HM13: variants seen among roughly 807,000 people sequenced by gnomAD.
The protein encoded by HM13 is signal peptide peptidase.
HM13 carries 18 observed loss-of-function variants against 50.0 expected under a neutral mutation model. That is an observed-to-expected ratio of 0.36 (90% CI 0.25 to 0.53). The LOEUF (loss-of-function observed/expected upper bound fraction) is 0.53. HM13 is among the 20% of genes least tolerant of loss of function. The probability of loss-of-function intolerance (pLI) is 0.90; values close to 1 mark genes in which losing one functional copy is unlikely to be tolerated. For synonymous variants in HM13, 197 were observed against 232.6 expected, an observed-to-expected ratio of 0.85 and a Z score of 1.39; for missense variants, 393 against 552.4, an observed-to-expected ratio of 0.71 and a Z score of 2.89.
At chr20:31,532,373 C>A (rs1056760050) in intron 2 of HM13, among the ~76,000 whole-genome samples, 1 of 152,098 alleles carries the variant, frequency 6.6e-6, no homozygotes, top group African/African-American at 2.4e-5. Context: ...TGCAGTGAGC[C>A]GAGATCGTGC....
intron 1 of HM13, among the ~76,000 whole-genome samples, chr20:31,521,449 GGCGTGATGGCTCACGCCT>G (rs1350766095): frequency 6.6e-6 from 1 of 152,168 alleles, no homozygotes; most frequent in Non-Finnish European, 1.5e-5. Context: ...CTGCTGGCCA[GGCGTGATGGCTCACGCCT>G]GTAATCCCAG....
At chr20:31,530,229 TA>T (rs1221707446) in intron 2 of HM13, among the ~76,000 whole-genome samples, 3 of 152,076 alleles carry the variant, frequency 2.0e-5, no homozygotes, top group Non-Finnish European at 4.4e-5. Context: ...AAAAAAGAAA[TA>T]TTTTTTTCAA....
At position 31,568,004 on chromosome 20, in the gene HM13, A is replaced by G. The variant is rs1600676272; in HGVS notation, c.1035-74A>G. 4.6e-6 allele frequency: 6 copies of G among 1,313,844 alleles called. No homozygotes were observed. The East Asian group carries it at 1.3e-4, about 29-fold the overall frequency. The allele number at this position is 1,313,844 out of a possible 1,614,324, so 81.4% of individuals were successfully genotyped here. On this transcript the variant is annotated intron_variant, in intron 11 of 12. Transcript: ENST00000398174. ...CAGTTCTGCTCTCTGCTCCTTGGAA[A>G]GGAAGTCTCTGTCCTCCCTTAGTCT... is the stretch of plus-strand genomic sequence containing the variant.
At chr20:31,568,254 C>T (rs2122677798) in intron 12 of HM13, 30 bp downstream of exon 12, 2 of 1,606,472 alleles carry the variant, frequency 1.2e-6, no homozygotes, top group East Asian at 2.2e-5. Context: ...CACCTGCCCG[C>T]TTCCCCCTAC....
At chr20:31,541,917 A>G (rs1983469980) in intron 3 of HM13, among the ~76,000 whole-genome samples, 1 of 152,240 alleles carries the variant, frequency 6.6e-6, no homozygotes, top group Non-Finnish European at 1.5e-5. Flanking sequence ...GTAAGGGCAA[A>G]GTGAGGTTTT....
intron 1 of HM13, among the ~76,000 whole-genome samples, chr20:31,515,984 G>A (rs1368272136): frequency 2.6e-5 from 4 of 152,212 alleles, no homozygotes; most frequent in African/African-American, 9.6e-5. Context: ...AGTAGCTGAG[G>A]CCTGCCATCT....
intron 3 of HM13, chr20:31,539,843 A>C (rs1983335444): frequency 6.6e-6 from 1 of 151,994 alleles, no homozygotes. Context: ...TTCTAGGCAC[A>C]CTGGCAGGAC....
chr20:31,527,074 T>C (rs1600622764), intron 1 of HM13, among the ~76,000 whole-genome samples: 1 of 152,036 alleles, frequency 6.6e-6, no homozygotes, highest in Non-Finnish European at 1.5e-5. Flanking sequence ...GGCATGGTGG[T>C]TCATACCTGT....
At chr20:31,547,741 C>G in intron 4 of HM13, 1 of 1,048,626 alleles carries the variant, frequency 9.5e-7, no homozygotes, top group South Asian at 1.4e-5. Context: ...GCCTTTTTGT[C>G]CAACTCTAAG....
intron 1 of HM13, among the ~76,000 whole-genome samples, chr20:31,524,951 G>A (rs551433387): frequency 2.0e-5 from 3 of 151,926 alleles, no homozygotes; most frequent in South Asian, 2.1e-4. Context: ...CTGACCTCAC[G>A]ATCCGCCTGC....
At chr20:31,560,317 CAA>C (rs1179122516) in intron 9 of HM13, among the ~76,000 whole-genome samples, 3 of 152,226 alleles carry the variant, frequency 2.0e-5, no homozygotes, top group African/African-American at 7.2e-5. Flanking sequence ...TGAGGGCTGG[CAA>C]TGTTGCACTT....
chr20:31,527,337 CAAAA>C, intron 1 of HM13, 143 bp from the exon 2 acceptor site: 3 of 514,024 alleles, frequency 5.8e-6, no homozygotes, highest in South Asian at 2.5e-5. Context: ...GACTCCATCT[CAAAA>C]AAAAAAAAAT....
intron 2 of HM13, 30 bp downstream of exon 2, chr20:31,527,612 T>TA: frequency 1.4e-6 from 2 of 1,401,730 alleles, no homozygotes; most frequent in Non-Finnish European, 2.0e-6. Flanking sequence ...TTGTGTCATT[T>TA]GATCTAAATG....
intron 8 of HM13, 63 bp from the exon 9 acceptor site, chr20:31,559,548 C>A: frequency 6.5e-7 from 1 of 1,533,708 alleles, no homozygotes. Context: ...AGGACCCAGT[C>A]TCCTGTTAGT....
Position 31,548,032 on chromosome 20 carries a change from A to G in HM13, c.455-997A>G, listed in dbSNP as rs376688803. 33 of 1,585,492 alleles carry G rather than the reference A, an allele frequency of 2.1e-5. No homozygotes were observed. In the African/African-American group the frequency reaches 3.9e-4, roughly 19 times the overall value. ...TTATTTAAATGATGGGCTGTGGCAC[A>G]TGAAGACATATAAATGAGCCTCAGA... On this transcript the variant is annotated intron_variant, in intron 4 of 12. Coordinates refer to ENST00000398174, the MANE Select transcript of HM13 (RefSeq NM_178581.3).
At chr20:31,520,390 G>A (rs765771409) in intron 1 of HM13, among the ~76,000 whole-genome samples, 3 of 152,044 alleles carry the variant, frequency 2.0e-5, no homozygotes, top group African/African-American at 7.2e-5. Flanking sequence ...TGCAACCTCC[G>A]CCTGCCAGGT....
intron 2 of HM13, among the ~76,000 whole-genome samples, chr20:31,532,285 T>C (rs1468047321): frequency 6.6e-6 from 1 of 151,864 alleles, no homozygotes; most frequent in African/African-American, 2.4e-5. Context: ...ACTATCAGGG[T>C]GTGGTGGCAC....
At chr20:31,516,233 G>C (rs6088446) in intron 1 of HM13, among the ~76,000 whole-genome samples, 38,511 of 152,140 alleles carry the variant, frequency 0.25, 6,934 homozygotes, top group African/African-American at 0.51. Flanking sequence ...AGGACAGCTG[G>C]CATAAGGCTA....
intron 1 of HM13, 118 bp from the exon 2 acceptor site, chr20:31,527,366 A>C: frequency 1.5e-6 from 1 of 672,326 alleles, no homozygotes; most frequent in South Asian, 1.9e-5. Flanking sequence ...AGATCAGAGC[A>C]TCTTGCCCCA....
Sources: allele counts gnomAD v4.1 joint callset (sites outside exome capture counted in the v4.1 genomes callset), GRCh38; gene constraint gnomAD v4.1.1; transcripts MANE v1.5; gene names NCBI Gene and HGNC (gene_info 2026-07-23, HGNC 2026-07-21).